SFXN4: variants seen among roughly 807,000 people sequenced by gnomAD.
SFXN4 encodes sideroflexin 4, also known as sideroflexin-4.
Under a neutral mutation model 54.6 loss-of-function variants are expected in SFXN4, and 48 were observed. That is an observed-to-expected ratio of 0.88 (90% CI 0.70 to 1.12). The LOEUF is 1.12. SFXN4 is among the 50% of genes most tolerant of loss of function. The pLI, the probability that SFXN4 is intolerant of heterozygous loss-of-function variation, is 0.00. For synonymous variants in SFXN4, 130 were observed against 145.5 expected, an observed-to-expected ratio of 0.89 and a Z score of 0.77; for missense variants, 383 against 409.2, an observed-to-expected ratio of 0.94 and a Z score of 0.55.
chr10:119,147,791 T>A lies in SFXN4; in HGVS notation c.802A>T (p.Thr268Ser). ...GTSALIPEVF[T>S]YFFKRTQYFR... ...GTCTCTTACCTTTTAAAAAAGTAGG[T>A]GAAGACTTCAGGAATCAGAGCTGAG... The change falls in exon 12 of 14, where the codon ACC becomes TCC. Residue 268 changes from threonine (T) to serine (S), a missense_variant. Transcript: ENST00000355697. 1 of 1,614,000 alleles carries A rather than the reference T, an allele frequency of 6.2e-7. No homozygotes were observed. The highest frequency in any genetic ancestry group is 1.1e-5 in the South Asian group (1 of 91,086).
chr10:119,147,728 G>A, intron 12 of SFXN4, 47 bp downstream of exon 12: 2 of 1,541,612 alleles, frequency 1.3e-6, no homozygotes, highest in South Asian at 1.1e-5. Context: ...GTTTTATAAG[G>A]ATTTGACTTT....
chr10:119,141,182 G>A lies in SFXN4; in HGVS notation c.*60C>T, dbSNP rs988981182. 56 of 1,319,426 alleles carry A rather than the reference G, an allele frequency of 4.2e-5. No homozygotes were observed. Among genetic ancestry groups the A allele is most frequent in the Non-Finnish European group, 5.7e-5 (53 of 923,638 alleles). The allele number at this position is 1,319,426 out of a possible 1,614,324, so 81.7% of individuals were successfully genotyped here. ...GACCTGTGGCAAAGTTCTCTAAACC[G>A]AACCTGGAGAGGGGAAGGTTTTCAA... On this transcript the variant is annotated 3_prime_UTR_variant, in exon 14 of 14. Coordinates refer to ENST00000355697, the MANE Select transcript of SFXN4 (RefSeq NM_213649.2).
At chr10:119,163,059 A>G (rs1438852810) in intron 2 of SFXN4, among the ~76,000 whole-genome samples, 1 of 152,182 alleles carries the variant, frequency 6.6e-6, no homozygotes, top group Admixed American at 6.5e-5. Flanking sequence ...CAGATTCTCA[A>G]AGTGCTGGGA....
At chr10:119,165,140 T>C (rs959301174) in intron 1 of SFXN4, 1 of 940,022 alleles carries the variant, frequency 1.1e-6, no homozygotes, top group Non-Finnish European at 1.3e-6. Flanking sequence ...GTCCTGCTTA[T>C]GTCCTGCCCA....
intron 11 of SFXN4, 94 bp from the exon 12 acceptor site, chr10:119,147,954 T>G (rs1846890814): frequency 1.1e-6 from 1 of 927,910 alleles, no homozygotes; most frequent in Non-Finnish European, 1.7e-6. Flanking sequence ...GTAGATCGCT[T>G]GAGGTCAGTA....
intron 11 of SFXN4, 70 bp downstream of exon 11, chr10:119,154,992 C>T (rs576229511): frequency 4.0e-5 from 41 of 1,031,272 alleles, no homozygotes; most frequent in East Asian, 9.6e-5. Flanking sequence ...AATTTGTCAC[C>T]GGCTTTCAAA....
rs182079269 is a variant in SFXN4 at position 119,140,970 on chromosome 10, G to T, written c.*272C>A. On this transcript the variant is annotated 3_prime_UTR_variant, in exon 14 of 14. Transcript: ENST00000355697. ...TTATTAGTTAATTAGTGATTTCACA[G>T]TATCCTTTCGCAGGCCGATCCCCAC... The T allele has an allele frequency of 2.6e-3, 925 of 354,270 alleles. 8 individuals are homozygous for T. The highest frequency in any genetic ancestry group is 0.018 in the African/African-American group (875 of 47,490). The allele number at this position is 354,270 out of a possible 1,614,324, so 21.9% of individuals were successfully genotyped here.
intron 10 of SFXN4, among the ~76,000 whole-genome samples, chr10:119,155,568 C>T (rs898753228): frequency 6.6e-6 from 1 of 152,158 alleles, no homozygotes; most frequent in African/African-American, 2.4e-5. Context: ...TCTCAGCTCA[C>T]TGCAACCTCC....
chr10:119,156,750 G>A lies in SFXN4; in HGVS notation c.544C>T (p.Pro182Ser). The change falls in exon 10 of 14, where the codon CCT becomes TCT. Residue 182 changes from proline (P) to serine (S), a missense_variant. By Grantham distance (74) the Pro-to-Ser change is moderately conservative. Coordinates refer to ENST00000355697, the MANE Select transcript of SFXN4 (RefSeq NM_213649.2). The part of the protein sequence containing the change: ...VASSTFLGVI[P>S]QFVQMKYGLT... ...CCATACTTCATCTGGACAAACTGAG[G>A]GATTACCTAGAAAAGAAGAGAGAAA... 2 of 1,607,140 alleles carry A rather than the reference G, an allele frequency of 1.2e-6. No individual in the cohort carries two copies. The highest frequency in any genetic ancestry group is 1.7e-6 in the Non-Finnish European group (2 of 1,175,690).
At position 119,162,328 on chromosome 10, in the gene SFXN4, C is replaced by A; in HGVS notation, c.252+12G>T. ...GAGGGCAACCAGCCAGACCTGAGCA[C>A]GTGAAACATACCCTTTGGTCCGCCG... On this transcript the variant is annotated intron_variant, in intron 3 of 13. Coordinates refer to ENST00000355697, the MANE Select transcript of SFXN4 (RefSeq NM_213649.2). 6.2e-7 allele frequency: 1 copy of A among 1,613,344 alleles called. No individual in the cohort carries two copies. The highest frequency in any genetic ancestry group is 1.1e-5 in the South Asian group (1 of 91,046).
At chr10:119,163,213 T>C (rs1847625754) in intron 2 of SFXN4, among the ~76,000 whole-genome samples, 2 of 150,300 alleles carry the variant, frequency 1.3e-5, no homozygotes, top group Non-Finnish European at 3.0e-5. Flanking sequence ...TGCTTCTAAT[T>C]TTATTACATT....
chr10:119,165,634 T>C lies in SFXN4; in HGVS notation c.14A>G (p.Gln5Arg). The change falls in exon 1 of 14, where the codon CAG becomes CGG. Residue 5 changes from glutamine (Q) to arginine (R), a missense_variant. Gln to Arg is a conservative substitution (Grantham distance 43, BLOSUM62 1). Transcript: ENST00000355697. MSLEQEEETQPGRLL... is the reference protein window; with the variant it reads MSLEREEETQPGRLL... Reference sequence around the variant, plus strand: ...CCGCCCAGGTTGCGTTTCCTCCTCCTGTTCCAGGGACATTTTGCGCTGGTT... The same window carrying C: ...CCGCCCAGGTTGCGTTTCCTCCTCCCGTTCCAGGGACATTTTGCGCTGGTT... The C allele has an allele frequency of 2.5e-6, 4 of 1,588,928 alleles. No homozygotes were observed. Among genetic ancestry groups the C allele is most frequent in the East Asian group, 4.9e-5 (2 of 40,684 alleles).
intron 1 of SFXN4, chr10:119,165,184 G>C: frequency 1.9e-6 from 2 of 1,038,208 alleles, no homozygotes; most frequent in Non-Finnish European, 2.3e-6. Context: ...GGGTCTCACC[G>C]AAAGTGGCTG....
intron 2 of SFXN4, among the ~76,000 whole-genome samples, chr10:119,163,322 G>C (rs1391551335): frequency 6.6e-6 from 1 of 151,532 alleles, no homozygotes; most frequent in African/African-American, 2.4e-5. Flanking sequence ...TGGAAGATTT[G>C]TTTGATTCTC....
chr10:119,146,431 G>GTGTA, intron 12 of SFXN4, 78 bp from the exon 13 acceptor site: 2 of 148,442 alleles, frequency 1.3e-5, no homozygotes, highest in Non-Finnish European at 2.4e-5. Context: ...ATCAGGGCGT[G>GTGTA]TGTGTGTGTG....
At chr10:119,155,847 C>A (rs1847260361) in intron 10 of SFXN4, among the ~76,000 whole-genome samples, 1 of 152,164 alleles carries the variant, frequency 6.6e-6, no homozygotes, top group Non-Finnish European at 1.5e-5. Context: ...TGACATCAGT[C>A]TGCCAACTCT....
At chr10:119,144,151 T>C (rs939583637) in intron 13 of SFXN4, among the ~76,000 whole-genome samples, 7 of 152,138 alleles carry the variant, frequency 4.6e-5, no homozygotes, top group African/African-American at 1.7e-4. Context: ...ATTTGAAATG[T>C]TTAGCCAAGA....
At chr10:119,164,268 CTTTTTT>C in intron 1 of SFXN4, 72 bp from the exon 2 acceptor site, 1 of 504,254 alleles carries the variant, frequency 2.0e-6, no homozygotes, top group Non-Finnish European at 3.3e-6. Flanking sequence ...TAACAGTTGG[CTTTTTT>C]TTTTTTTTTC....
At position 119,151,165 on chromosome 10, in the gene SFXN4, C is replaced by G. The variant is rs188059855; in HGVS notation, c.733-3305G>C. 8.5e-3 allele frequency among the ~76,000 whole-genome samples: 1,292 copies of G among 152,150 alleles called. 48 individuals are homozygous for G. The East Asian group carries it at 0.086, about 10-fold the overall frequency. On this transcript the variant is annotated intron_variant, in intron 11 of 13. Transcript: ENST00000355697. ...CGGGTGGGTCATGAGGTCAGGAGAT[C>G]GAGACCATCCTGGCTAACATGGTGA...
Sources: gnomAD v4.1 joint callset for allele counts (sites outside exome capture counted in the v4.1 genomes callset) on GRCh38, gnomAD v4.1.1 for gene constraint, MANE v1.5 for transcripts, NCBI Gene and HGNC (gene_info 2026-07-23, HGNC 2026-07-21) for gene names.